Variants in LDB3 observed in about 807,000 individuals in gnomAD.
LDB3 encodes the protein LIM domain binding 3.
In LDB3, 49 loss-of-function variants were observed where a neutral mutation model predicts 69.0. The ratio of observed to expected loss-of-function variants is 0.71; its 90% CI spans 0.56 to 0.90. The LOEUF is 0.90. LDB3 is among the 40% of genes least tolerant of loss of function. The pLI is 0.00. For synonymous variants in LDB3, 387 were observed against 396.2 expected, an observed-to-expected ratio of 0.98 and a Z score of 0.28; for missense variants, 928 against 974.1, an observed-to-expected ratio of 0.95 and a Z score of 0.63.
At chr10:86,717,908 A>G in intron 10 of LDB3, 56 bp from the exon 11 acceptor site, 1 of 1,544,652 alleles carries the variant, frequency 6.5e-7, no homozygotes, top group Non-Finnish European at 8.9e-7. Context: ...TTCTTCAAAT[A>G]TCTAATTCCA....
intron 7 of LDB3, among the ~76,000 whole-genome samples, chr10:86,698,338 G>A (rs1363071869): frequency 2.6e-5 from 4 of 152,200 alleles, no homozygotes; most frequent in African/African-American, 4.8e-5. Context: ...TTTAAATTGA[G>A]TTGGAAGCAC....
Position 86,726,218 on chromosome 10 carries a change from G to A in LDB3, c.2060G>A (p.Gly687Asp), listed in dbSNP as rs1230240655. 2 of 1,613,946 alleles carry A rather than the reference G, an allele frequency of 1.2e-6. No homozygotes were observed. Among genetic ancestry groups the A allele is most frequent in the Non-Finnish European group, 1.7e-6 (2 of 1,180,028 alleles). The change falls in exon 13 of 14, where the codon GGC becomes GAC. Residue 687 changes from glycine to aspartate, a missense_variant. Transcript: ENST00000361373. Reference sequence around the variant, plus strand: ...GGCGACAAGTTTATCGAAGCCCTGGGCCACACTTGGCACGACACCTGCTTC... The same window carrying A: ...GGCGACAAGTTTATCGAAGCCCTGGACCACACTTGGCACGACACCTGCTTC... ...EAGDKFIEAL[G>D]HTWHDTCFIC... is the part of the protein sequence containing the mutation.
chr10:86,696,013 G>A (rs1205208969), intron 7 of LDB3, among the ~76,000 whole-genome samples: 3 of 152,210 alleles, frequency 2.0e-5, no homozygotes, highest in African/African-American at 4.8e-5. Context: ...TTAGTGAAGA[G>A]TCCCTAGAGG....
chr10:86,679,679 C>T (rs1354782988), intron 3 of LDB3, among the ~76,000 whole-genome samples, 161 bp downstream of exon 3: 1 of 152,200 alleles, frequency 6.6e-6, no homozygotes, highest in Non-Finnish European at 1.5e-5. Context: ...AATGAACAGG[C>T]CCAAGTCGCT....
rs574351980 is a variant in LDB3, at chr10:86,702,792, G to T, written c.897-3739G>T. Among the ~76,000 whole-genome samples, 16 of 152,296 alleles carry T rather than the reference G, an allele frequency of 1.1e-4. No individual in the cohort carries two copies. In the South Asian group the frequency reaches 3.3e-3, roughly 32 times the overall value. On this transcript the variant is annotated intron_variant, in intron 7 of 13. Transcript: ENST00000361373. Reference sequence around the variant, plus strand: ...GAACTGACCTGGAATAAGAGCCCAAGATCCTTCAAGATACCCTTTGATGCC... The same window carrying T: ...GAACTGACCTGGAATAAGAGCCCAATATCCTTCAAGATACCCTTTGATGCC...
chr10:86,735,757 C>G lies in LDB3; in HGVS notation c.*2781C>G, dbSNP rs1220142465. 7 of 107,384 alleles carry G rather than the reference C, an allele frequency of 6.5e-5. No individual in the cohort carries two copies. Among genetic ancestry groups the G allele is most frequent in the African/African-American group, 2.7e-4 (7 of 26,320 alleles). 6.7% of individuals were successfully genotyped at this position (107,384 alleles called of 1,614,324 possible). Reference sequence around the variant, plus strand: ...TTATGCCATTGCACTCCAGCCTGGGCAACAGGAGCGAAACTCCGTTGCAAA... The same window carrying G: ...TTATGCCATTGCACTCCAGCCTGGGGAACAGGAGCGAAACTCCGTTGCAAA... On this transcript the variant is annotated 3_prime_UTR_variant, in exon 14 of 14. Transcript: ENST00000361373.
chr10:86,676,583 A>AG (rs1844805985), intron 2 of LDB3, among the ~76,000 whole-genome samples: 1 of 124,290 alleles, frequency 8.0e-6, no homozygotes, highest in Non-Finnish European at 1.6e-5. Context: ...AAAAAAAGAG[A>AG]AAGAAAAAAA....
rs59439194 is a variant in LDB3, at chr10:86,716,231, A to C, written c.1232-96A>C. On this transcript the variant is annotated intron_variant, in intron 9 of 13. Transcript: ENST00000361373. ...CTGAAATTGTACTGCTCTAATGTTA[A>C]AGTCACCTTTTGCATTTCTCTGGCT... 9.8e-3 allele frequency: 13,983 copies of C among 1,429,192 alleles called. 946 individuals carry two copies. The African/African-American group carries it at 0.15, about 16-fold the overall frequency. The allele number at this position is 1,429,192 out of a possible 1,614,324, so 88.5% of individuals were successfully genotyped here.
chr10:86,689,785 C>G (rs1845673576), intron 5 of LDB3, among the ~76,000 whole-genome samples: 1 of 152,202 alleles, frequency 6.6e-6, no homozygotes, highest in South Asian at 2.1e-4. Context: ...GGGCTGCACA[C>G]AGTGAAGCAA....
At chr10:86,682,959 A>G (rs4934244) in intron 5 of LDB3, among the ~76,000 whole-genome samples, 41,774 of 151,468 alleles carry the variant, frequency 0.28, 6,987 homozygotes, top group African/African-American at 0.48. Flanking sequence ...AGCTCTTTCT[A>G]GAATCCTCAG....
At chr10:86,675,486 C>T (rs1844744482) in intron 2 of LDB3, among the ~76,000 whole-genome samples, 1 of 152,246 alleles carries the variant, frequency 6.6e-6, no homozygotes, top group African/African-American at 2.4e-5. Flanking sequence ...AGCCTTTCTG[C>T]GTGGGGTCTG....
chr10:86,718,860 C>T lies in LDB3; in HGVS notation c.1978+13C>T, dbSNP rs766764475. On this transcript the variant is annotated intron_variant, in intron 12 of 13. Transcript: ENST00000361373. ...TACTGCGAGAAAGGTAGGAACACTT[C>T]GATGGCATGTGGGGAGGCCCCACAG... 2.5e-5 allele frequency: 40 copies of T among 1,613,916 alleles called. No homozygotes were observed. The South Asian group carries it at 3.7e-4, about 15-fold the overall frequency.
Position 86,679,240 on chromosome 10 carries a change from G to A in LDB3, c.94-127G>A, listed in dbSNP as rs1589617327. 4.4e-6 allele frequency: 5 copies of A among 1,136,836 alleles called. No homozygotes were observed. In the East Asian group the frequency reaches 1.2e-4, roughly 28 times the overall value. 70.4% of individuals were successfully genotyped at this position (1,136,836 alleles called of 1,614,324 possible). A position where few individuals can be genotyped will look rare whatever the true frequency, so the allele number is the denominator to read the frequency against. ...TAGGCTTGGTTAGCAGCTGGTACTG[G>A]CCGTAGCGAATGAAAAACACAATGA... On this transcript the variant is annotated intron_variant, in intron 2 of 13. Coordinates refer to ENST00000361373, the MANE Select transcript of LDB3 (RefSeq NM_007078.3).
intron 7 of LDB3, among the ~76,000 whole-genome samples, chr10:86,698,527 C>A (rs1846107469): frequency 6.6e-6 from 1 of 152,302 alleles, no homozygotes; most frequent in South Asian, 2.1e-4. Flanking sequence ...TTTCTGACTG[C>A]TGCTTGCCTG....
At chr10:86,695,114 T>G (rs1262814098) in intron 7 of LDB3, among the ~76,000 whole-genome samples, 1 of 149,180 alleles carries the variant, frequency 6.7e-6, no homozygotes, top group African/African-American at 2.5e-5. Flanking sequence ...CACAGTCTTA[T>G]GCCCATGCAA....
At chr10:86,668,476 G>A, upstream of LDB3, 1 of 642,290 alleles carries the variant, frequency 1.6e-6, no homozygotes, top group South Asian at 1.7e-5. Context: ...GCAGCCGAAG[G>A]CAGATATCAG....
rs151232665 is a variant in LDB3 at position 86,701,011 on chromosome 10, C to G, written c.897-5520C>G. Reference sequence around the variant, plus strand: ...CTGGGCAGAGGCTTTCCCTCTGCCTCCAGGAACCTTCGCAATCCCACCAGG... The same window carrying G: ...CTGGGCAGAGGCTTTCCCTCTGCCTGCAGGAACCTTCGCAATCCCACCAGG... On this transcript the variant is annotated intron_variant, in intron 7 of 13. Transcript: ENST00000361373. Among the ~76,000 whole-genome samples the G allele has an allele frequency of 5.1e-3, 773 of 152,308 alleles. 6 individuals carry two copies. Among genetic ancestry groups the G allele is most frequent in the Non-Finnish European group, 8.3e-3 (567 of 68,010 alleles).
In LDB3 at chr10:86,681,597, T is replaced by C; in HGVS notation, c.483T>C (p.Pro161=). The C allele has an allele frequency of 6.2e-7, 1 of 1,612,944 alleles. No homozygotes were observed. Among genetic ancestry groups the C allele is most frequent in the East Asian group, 2.2e-5 (1 of 44,848 alleles). ...CCTCACTCGCCGAGGCCTCTGACCCTGGCCCTCCGCGGGCCAGCCTGAGGG... is the reference window on the plus strand; with the variant it reads ...CCTCACTCGCCGAGGCCTCTGACCCCGGCCCTCCGCGGGCCAGCCTGAGGG... ...AFSSLAEASD[P]GPPRASLRAK... Residue 161 remains proline, a synonymous_variant, in exon 5 of 14, where the codon CCT becomes CCC. Transcript: ENST00000361373.
intron 5 of LDB3, among the ~76,000 whole-genome samples, 169 bp downstream of exon 5, chr10:86,681,972 G>A (rs1845176050): frequency 6.6e-6 from 1 of 152,224 alleles, no homozygotes; most frequent in Non-Finnish European, 1.5e-5. Flanking sequence ...AGCCGGGCAT[G>A]CTAGCGATTT....
Sources: allele counts gnomAD v4.1 joint callset (sites outside exome capture counted in the v4.1 genomes callset), GRCh38; gene constraint gnomAD v4.1.1; transcripts MANE v1.5; gene names NCBI Gene and HGNC (gene_info 2026-07-23, HGNC 2026-07-21).